Variants in CAMTA1 observed in about 807,000 individuals in gnomAD.
The protein encoded by CAMTA1 is calmodulin-binding transcription activator 1.
Under a neutral mutation model 170.9 loss-of-function variants are expected in CAMTA1, and 27 were observed. That is an observed-to-expected ratio of 0.16 (90% CI 0.12 to 0.22). The LOEUF (loss-of-function observed/expected upper bound fraction) is 0.22. Ranked by LOEUF, CAMTA1 falls within the 10% of genes least tolerant of loss-of-function variation. CAMTA1 has a pLI of 1.00. For synonymous variants in CAMTA1, 833 were observed against 891.5 expected, an observed-to-expected ratio of 0.93 and a Z score of 1.17; for missense variants, 1,619 against 2,217.2, an observed-to-expected ratio of 0.73 and a Z score of 5.42.
At position 7,761,287 on chromosome 1, in the gene CAMTA1, T is replaced by C. The variant is rs139412926; in HGVS notation, c.4990-5172T>C. On this transcript the variant is annotated intron_variant, in intron 22 of 22. Transcript: ENST00000303635. ...GCAAGTTACTGATAGGAGTCAGAAA[T>C]GTGGCCGCACAGCTCTCCTGAGGGC... is the stretch of plus-strand genomic sequence containing the variant. Among the ~76,000 whole-genome samples the C allele has an allele frequency of 2.9e-3, 438 of 152,334 alleles. 3 individuals carry two copies. Among genetic ancestry groups the C allele is most frequent in the Non-Finnish European group, 5.1e-3 (349 of 68,032 alleles).
intron 6 of CAMTA1, among the ~76,000 whole-genome samples, chr1:7,573,261 C>T (rs919201940): frequency 1.2e-4 from 19 of 152,166 alleles, no homozygotes; most frequent in African/African-American, 4.1e-4. Flanking sequence ...CAGCTGGGCA[C>T]ACCATGGAGT....
intron 5 of CAMTA1, among the ~76,000 whole-genome samples, chr1:7,366,603 A>T (rs1415339797): frequency 6.6e-6 from 1 of 152,234 alleles, no homozygotes; most frequent in African/African-American, 2.4e-5. Flanking sequence ...GCTAATGATA[A>T]CATTGAGCTC....
intron 4 of CAMTA1, among the ~76,000 whole-genome samples, chr1:7,221,279 G>A (rs1440433528): frequency 6.8e-6 from 1 of 146,892 alleles, no homozygotes; most frequent in Non-Finnish European, 1.5e-5. Flanking sequence ...TTAGTTACTT[G>A]TTCATTCATT....
chr1:7,198,870 C>G (rs902457843), intron 4 of CAMTA1, among the ~76,000 whole-genome samples: 1 of 152,116 alleles, frequency 6.6e-6, no homozygotes, highest in Non-Finnish European at 1.5e-5. Flanking sequence ...GGCAGGGAGC[C>G]CCGCGGGCAA....
intron 5 of CAMTA1, among the ~76,000 whole-genome samples, chr1:7,366,917 A>C (rs943963192): frequency 6.6e-6 from 1 of 152,190 alleles, no homozygotes; most frequent in Non-Finnish European, 1.5e-5. Context: ...GGAACTTCAC[A>C]GGCACCTGGC....
chr1:6,953,440 A>T (rs1688864415), intron 3 of CAMTA1, among the ~76,000 whole-genome samples: 1 of 152,208 alleles, frequency 6.6e-6, no homozygotes, highest in Non-Finnish European at 1.5e-5. Context: ...GGGTCCTTTC[A>T]CCATCATACC....
chr1:7,237,289 C>T (rs1284410412), intron 4 of CAMTA1, among the ~76,000 whole-genome samples: 1 of 152,184 alleles, frequency 6.6e-6, no homozygotes, highest in Non-Finnish European at 1.5e-5. Context: ...CTGAACAGAG[C>T]TTATTGCACA....
chr1:6,796,930 T>C (rs765496359), intron 1 of CAMTA1, among the ~76,000 whole-genome samples: 1 of 152,244 alleles, frequency 6.6e-6, no homozygotes, highest in African/African-American at 2.4e-5. Context: ...TTTGCTGACT[T>C]TCTGGATACT....
chr1:7,477,023 C>T (rs1366073506), intron 6 of CAMTA1, among the ~76,000 whole-genome samples: 5 of 152,106 alleles, frequency 3.3e-5, no homozygotes, highest in Non-Finnish European at 7.4e-5. Context: ...AAGACAAGAC[C>T]CCAGCAGACG....
intron 5 of CAMTA1, among the ~76,000 whole-genome samples, chr1:7,446,234 G>A (rs2092678078): frequency 1.3e-5 from 2 of 149,696 alleles, no homozygotes; most frequent in Admixed American, 6.7e-5. Flanking sequence ...AAGTGAAAAT[G>A]TAAAAACACG....
chr1:7,637,287 C>T (rs778226169), intron 6 of CAMTA1, among the ~76,000 whole-genome samples: 1 of 152,234 alleles, frequency 6.6e-6, no homozygotes, highest in Non-Finnish European at 1.5e-5. Flanking sequence ...CTGGCATCTC[C>T]GCTCCCTCCT....
chr1:7,717,054 G>T (rs12748958), intron 11 of CAMTA1, among the ~76,000 whole-genome samples: 2 of 152,118 alleles, frequency 1.3e-5, no homozygotes, highest in Non-Finnish European at 2.9e-5. Context: ...CTCACTCCTA[G>T]GCAGAGTCTT....
At chr1:6,946,565 C>T (rs1687611239) in intron 3 of CAMTA1, among the ~76,000 whole-genome samples, 1 of 152,096 alleles carries the variant, frequency 6.6e-6, no homozygotes, top group Non-Finnish European at 1.5e-5. Context: ...ATTTGCATTT[C>T]CCTGATGATT....
At chr1:7,331,459 A>C (rs1300535554) in intron 5 of CAMTA1, among the ~76,000 whole-genome samples, 2 of 152,186 alleles carry the variant, frequency 1.3e-5, no homozygotes, top group Non-Finnish European at 2.9e-5. Context: ...ACATCTCCTA[A>C]TATTCACTGT....
At chr1:7,320,557 A>G (rs1191299212) in intron 5 of CAMTA1, among the ~76,000 whole-genome samples, 1 of 151,614 alleles carries the variant, frequency 6.6e-6, no homozygotes. Context: ...ACGTTGGTGA[A>G]TTAAAGACAT....
intron 1 of CAMTA1, among the ~76,000 whole-genome samples, chr1:6,787,386 G>A (rs1639712541): frequency 6.6e-6 from 1 of 152,234 alleles, no homozygotes; most frequent in Non-Finnish European, 1.5e-5. Context: ...GCTTTCAGAA[G>A]GGGGAATTTG....
chr1:7,098,099 TTGTG>T (rs61519330), intron 4 of CAMTA1, among the ~76,000 whole-genome samples: 10 of 150,878 alleles, frequency 6.6e-5, no homozygotes, highest in South Asian at 4.2e-4. Context: ...GGTGGACGAA[TTGTG>T]TGTGTGTGTG....
At chr1:7,109,594 GAC>G (rs1371440995) in intron 4 of CAMTA1, among the ~76,000 whole-genome samples, 1 of 152,192 alleles carries the variant, frequency 6.6e-6, no homozygotes, top group African/African-American at 2.4e-5. Context: ...GTTTCAGACA[GAC>G]ACGACTCATT....
intron 3 of CAMTA1, among the ~76,000 whole-genome samples, chr1:7,084,673 G>A (rs1341635240): frequency 6.6e-6 from 1 of 152,204 alleles, no homozygotes; most frequent in Non-Finnish European, 1.5e-5. Flanking sequence ...GCAGCGGGGT[G>A]GCTGCCGTTG....
Sources: allele counts gnomAD v4.1 joint callset (sites outside exome capture counted in the v4.1 genomes callset), GRCh38; gene constraint gnomAD v4.1.1; transcripts MANE v1.5; gene names NCBI Gene and HGNC (gene_info 2026-07-23, HGNC 2026-07-21).